The following MED27 variants were observed in gnomAD, a reference collection of about 807,000 sequenced individuals.
MED27 encodes the protein mediator complex subunit 27, also known as mediator of RNA polymerase II transcription subunit 27.
Under a neutral mutation model 38.2 loss-of-function variants are expected in MED27, and 30 were observed. The observed-to-expected ratio is 0.79, with a 90% confidence interval of 0.59 to 1.07. MED27 has a LOEUF of 1.07. Among genes scored for constraint, MED27 ranks in the 50% least tolerant of loss-of-function variants. MED27 has a pLI of 0.00. For synonymous variants in MED27, 122 were observed against 153.5 expected, an observed-to-expected ratio of 0.79 and a Z score of 1.52; for missense variants, 289 against 397.5, an observed-to-expected ratio of 0.73 and a Z score of 2.32.
intron 4 of MED27, among the ~76,000 whole-genome samples, chr9:131,927,615 G>A (rs1224716122): frequency 6.6e-6 from 1 of 152,114 alleles, no homozygotes; most frequent in Non-Finnish European, 1.5e-5. Context: ...CCTCCAGCAT[G>A]TGCTCCATAT....
intron 3 of MED27, among the ~76,000 whole-genome samples, chr9:132,010,131 G>C (rs1832450965): frequency 6.6e-6 from 1 of 152,178 alleles, no homozygotes; most frequent in African/African-American, 2.4e-5. Context: ...TAGACATGAA[G>C]TCCTTGCCCA....
intron 3 of MED27, among the ~76,000 whole-genome samples, chr9:131,968,814 C>T (rs888534849): frequency 1.3e-5 from 2 of 152,178 alleles, no homozygotes; most frequent in African/African-American, 4.8e-5. Flanking sequence ...GCGAGCAAAG[C>T]TTCATCTGTA....
At chr9:131,928,092 T>C (rs1830514967) in intron 4 of MED27, among the ~76,000 whole-genome samples, 1 of 152,112 alleles carries the variant, frequency 6.6e-6, no homozygotes, top group East Asian at 1.9e-4. Flanking sequence ...ACAAAATCAG[T>C]GGAATGTGTT....
At chr9:131,938,253 G>A (rs191325739) in intron 4 of MED27, among the ~76,000 whole-genome samples, 1 of 152,210 alleles carries the variant, frequency 6.6e-6, no homozygotes, top group East Asian at 1.9e-4. Flanking sequence ...TAAAATATGG[G>A]GAGTTCACAC....
intron 3 of MED27, among the ~76,000 whole-genome samples, chr9:131,962,490 C>T (rs1364504887): frequency 6.6e-6 from 1 of 151,882 alleles, no homozygotes; most frequent in Non-Finnish European, 1.5e-5. Flanking sequence ...CCACCCACCT[C>T]AGCCTCCCAA....
chr9:131,907,416 C>T (rs565660218), intron 4 of MED27, among the ~76,000 whole-genome samples: 32 of 152,298 alleles, frequency 2.1e-4, no homozygotes, highest in Admixed American at 7.2e-4. Flanking sequence ...GACGGGGTTT[C>T]GCCGTGTTGG....
chr9:131,973,438 CT>C (rs1315331472), intron 3 of MED27, among the ~76,000 whole-genome samples: 5 of 143,340 alleles, frequency 3.5e-5, no homozygotes, highest in Non-Finnish European at 6.2e-5. Context: ...CTTCCCTTTT[CT>C]TTTTTTCTTT....
intron 4 of MED27, among the ~76,000 whole-genome samples, chr9:131,916,259 A>T (rs924081869): frequency 6.6e-6 from 1 of 152,238 alleles, no homozygotes; most frequent in Non-Finnish European, 1.5e-5. Flanking sequence ...AAGATTTAAT[A>T]TAGCCCTGGA....
chr9:131,933,735 C>A (rs924638850), intron 4 of MED27, among the ~76,000 whole-genome samples: 1 of 151,744 alleles, frequency 6.6e-6, no homozygotes, highest in Non-Finnish European at 1.5e-5. Context: ...TCAATACAAG[C>A]CTTATCAAAA....
intron 4 of MED27, among the ~76,000 whole-genome samples, chr9:131,903,410 A>T (rs750770550): frequency 6.6e-6 from 1 of 152,226 alleles, no homozygotes; most frequent in Non-Finnish European, 1.5e-5. Flanking sequence ...GGGAGCTACA[A>T]GATGAGATTT....
chr9:131,930,164 G>C (rs1830559173), intron 4 of MED27, among the ~76,000 whole-genome samples: 1 of 152,216 alleles, frequency 6.6e-6, no homozygotes, highest in Non-Finnish European at 1.5e-5. Flanking sequence ...AGAGGAGGTA[G>C]AGAAAAAAGA....
At chr9:131,921,539 G>C (rs1003769931) in intron 4 of MED27, among the ~76,000 whole-genome samples, 4 of 152,228 alleles carry the variant, frequency 2.6e-5, no homozygotes, top group Non-Finnish European at 5.9e-5. Context: ...GTGCTGGAGA[G>C]AATGTGGAGA....
At chr9:132,069,436 C>T (rs979265573) in intron 2 of MED27, among the ~76,000 whole-genome samples, 6 of 152,130 alleles carry the variant, frequency 3.9e-5, no homozygotes, top group African/African-American at 9.7e-5. Flanking sequence ...GGATAGAAAC[C>T]GTTTAGAATG....
intron 3 of MED27, among the ~76,000 whole-genome samples, chr9:131,951,202 G>T (rs1428534041): frequency 1.3e-5 from 2 of 152,224 alleles, no homozygotes; most frequent in Non-Finnish European, 2.9e-5. Flanking sequence ...AGAACCTTCA[G>T]TAGAGAAGCC....
At chr9:131,927,470 C>CA (rs1212410983) in intron 4 of MED27, among the ~76,000 whole-genome samples, 1 of 152,230 alleles carries the variant, frequency 6.6e-6, no homozygotes. Flanking sequence ...ATATGAAAGT[C>CA]AAAGATGCTT....
chr9:132,028,509 T>TA (rs200070674), intron 2 of MED27, among the ~76,000 whole-genome samples: 3,369 of 141,788 alleles, frequency 0.024, 58 homozygotes, highest in East Asian at 0.087. Flanking sequence ...ACAAATAAAT[T>TA]AAAAAAAAAA....
At chr9:131,881,971 G>T (rs1005335668) in intron 6 of MED27, among the ~76,000 whole-genome samples, 13 of 151,832 alleles carry the variant, frequency 8.6e-5, no homozygotes, top group African/African-American at 3.1e-4. Flanking sequence ...GGCCAGGCTG[G>T]TCTCGAACTC....
intron 2 of MED27, among the ~76,000 whole-genome samples, chr9:132,022,743 G>A (rs1281413620): frequency 1.3e-5 from 2 of 152,174 alleles, no homozygotes; most frequent in African/African-American, 4.8e-5. Flanking sequence ...GACTGGAGAG[G>A]CCTCAGGAAA....
At chr9:131,901,160 C>G (rs1266828567) in intron 4 of MED27, among the ~76,000 whole-genome samples, 1 of 151,828 alleles carries the variant, frequency 6.6e-6, no homozygotes, top group Non-Finnish European at 1.5e-5. Context: ...GCGGGCACAC[C>G]CAAAGGAGAT....
Sources: allele counts gnomAD v4.1 joint callset (sites outside exome capture counted in the v4.1 genomes callset), GRCh38; gene constraint gnomAD v4.1.1; transcripts MANE v1.5; gene names NCBI Gene and HGNC (gene_info 2026-07-23, HGNC 2026-07-21).